MAN2A1: variants seen among roughly 807,000 people sequenced by gnomAD.
MAN2A1 encodes the protein mannosidase alpha class 2A member 1.
In MAN2A1, 76 loss-of-function variants were observed where a neutral mutation model predicts 142.6. The observed-to-expected ratio is 0.53, with a 90% CI of 0.44 to 0.65. MAN2A1 has a LOEUF of 0.65. MAN2A1 is among the 30% of genes least tolerant of loss of function. The pLI, the probability that MAN2A1 is intolerant of heterozygous loss-of-function variation, is 0.00. For synonymous variants in MAN2A1, 559 were observed against 473.2 expected (o/e 1.18, Z -2.35); for missense variants, 1,311 against 1,365.1 (o/e 0.96, Z 0.62).
intron 1 of MAN2A1, among the ~76,000 whole-genome samples, chr5:109,699,045 C>T (rs1750897057): frequency 1.3e-5 from 2 of 152,140 alleles, no homozygotes; most frequent in South Asian, 2.1e-4. Context: ...CTACTCTTCC[C>T]AGTTTTTAAA....
In MAN2A1 at chr5:109,855,121, T is replaced by C. The variant is rs749687769; in HGVS notation, c.2977-19T>C. ...CTGGAAATATAGACCTCTTAAACAT[T>C]TTTGTTTTTTCTTGATAGGAAGAAG... On this transcript the variant is annotated intron_variant, in intron 19 of 21. Coordinates refer to ENST00000261483, the MANE Select transcript of MAN2A1 (RefSeq NM_002372.4). 2.1e-6 allele frequency: 3 copies of C among 1,461,890 alleles called. No homozygotes were observed. Among genetic ancestry groups the C allele is most frequent in the African/African-American group, 2.9e-5 (2 of 70,008 alleles). The allele number at this position is 1,461,890 out of a possible 1,614,324, so 90.6% of individuals were successfully genotyped here. A position where few individuals can be genotyped will look rare whatever the true frequency, so the allele number is the denominator to read the frequency against.
intron 20 of MAN2A1, among the ~76,000 whole-genome samples, chr5:109,856,153 C>T (rs1379759668): frequency 6.6e-6 from 1 of 151,856 alleles, no homozygotes. Flanking sequence ...AACTTTATGT[C>T]TAAGATATAG....
At chr5:109,818,458 A>G (rs1459400503) in intron 13 of MAN2A1, among the ~76,000 whole-genome samples, 1 of 152,152 alleles carries the variant, frequency 6.6e-6, no homozygotes, top group African/African-American at 2.4e-5. Context: ...CAGATTTTAC[A>G]GGAAGCTTTC....
At chr5:109,784,980 A>G in intron 10 of MAN2A1, 54 bp downstream of exon 10, 1 of 1,293,890 alleles carries the variant, frequency 7.7e-7, no homozygotes, top group Non-Finnish European at 1.1e-6. Flanking sequence ...ATTATGGGTA[A>G]TAAGATTATA....
chr5:109,823,192 T>G (rs942034672), intron 15 of MAN2A1, among the ~76,000 whole-genome samples: 21 of 152,188 alleles, frequency 1.4e-4, no homozygotes, highest in African/African-American at 5.1e-4. Context: ...GTTTGTGAAT[T>G]TATATTCAGC....
chr5:109,755,109 G>A (rs536093070), intron 4 of MAN2A1, among the ~76,000 whole-genome samples: 2 of 152,310 alleles, frequency 1.3e-5, no homozygotes, highest in East Asian at 1.9e-4. Context: ...AATGACCTGC[G>A]TGGCTTTTCC....
chr5:109,846,074 G>A (rs1755337828), intron 18 of MAN2A1, 68 bp downstream of exon 18: 3 of 1,406,036 alleles, frequency 2.1e-6, no homozygotes, highest in African/African-American at 2.9e-5. Flanking sequence ...TTTTCTGTTG[G>A]TCAGATGTGG....
chr5:109,817,171 T>C, intron 12 of MAN2A1, 102 bp from the exon 13 acceptor site: 2 of 992,370 alleles, frequency 2.0e-6, no homozygotes, highest in Non-Finnish European at 2.9e-6. Flanking sequence ...ATCTCAAAAA[T>C]ATATATGTAT....
intron 12 of MAN2A1, among the ~76,000 whole-genome samples, chr5:109,802,523 T>G (rs1377685678): frequency 1.3e-5 from 2 of 152,150 alleles, no homozygotes; most frequent in Non-Finnish European, 2.9e-5. Flanking sequence ...ATTAGCAAGC[T>G]TCCTAAAAAG....
intron 19 of MAN2A1, among the ~76,000 whole-genome samples, chr5:109,851,654 G>A (rs914562566): frequency 1.3e-5 from 2 of 152,060 alleles, no homozygotes; most frequent in African/African-American, 4.8e-5. Context: ...CCAGTCTGTG[G>A]TATTCTGTTA....
chr5:109,756,533 A>C (rs368413190), intron 5 of MAN2A1, among the ~76,000 whole-genome samples: 94 of 152,300 alleles, frequency 6.2e-4, no homozygotes, highest in African/African-American at 2.1e-3. Context: ...AATTTGAAGA[A>C]ATGTATAAGA....
At chr5:109,726,221 C>T (rs1227917929) in intron 3 of MAN2A1, among the ~76,000 whole-genome samples, 2 of 152,136 alleles carry the variant, frequency 1.3e-5, no homozygotes, top group Non-Finnish European at 2.9e-5. Flanking sequence ...AATTTTATGT[C>T]ATGAAAATTC....
chr5:109,701,993 G>T (rs1750996504), intron 1 of MAN2A1, among the ~76,000 whole-genome samples: 1 of 152,178 alleles, frequency 6.6e-6, no homozygotes. Context: ...TGATCTGGTA[G>T]TCATCAGCAT....
chr5:109,820,231 T>C lies in MAN2A1; in HGVS notation c.2340T>C (p.Thr780=). The C allele has an allele frequency of 6.2e-7, 1 of 1,606,282 alleles. No homozygotes were observed. ...DQTGLMKQMM[T]KEDGKHHEVN... is the part of the protein sequence containing the mutation. Reference sequence around the variant, plus strand: ...TTTTTAATCTTTAGCAAATGATGACTAAAGAAGATGGTAAACACCATGAAG... The same window carrying C: ...TTTTTAATCTTTAGCAAATGATGACCAAAGAAGATGGTAAACACCATGAAG... The change falls in exon 15 of 22, where the codon ACT becomes ACC. Residue 780 remains threonine, a synonymous_variant. Transcript: ENST00000261483.
In MAN2A1 at chr5:109,770,409, A is replaced by G. The variant is rs1244662131; in HGVS notation, c.1064A>G (p.Asp355Gly). The change falls in exon 7 of 22, where the codon GAC becomes GGC. Residue 355 changes from aspartate to glycine, a missense_variant. Transcript: ENST00000261483. Reference protein sequence around the residue: ...LCHMMPFYSYDIPHTCGPDPK... With the variant: ...LCHMMPFYSYGIPHTCGPDPK... ...CACATGATGCCCTTCTACAGCTATGACATCCCTCACACTTGTGGACCTGAT... is the reference window on the plus strand; with the variant it reads ...CACATGATGCCCTTCTACAGCTATGGCATCCCTCACACTTGTGGACCTGAT... The G allele has an allele frequency of 6.2e-7, 1 of 1,614,038 alleles. No homozygotes were observed.
At chr5:109,785,953 C>T (rs911886698) in intron 10 of MAN2A1, among the ~76,000 whole-genome samples, 6 of 151,988 alleles carry the variant, frequency 3.9e-5, no homozygotes, top group South Asian at 2.1e-4. Flanking sequence ...AATTGACTCA[C>T]GACTTATATT....
At chr5:109,798,330 A>G (rs967883643) in intron 12 of MAN2A1, among the ~76,000 whole-genome samples, 3 of 152,186 alleles carry the variant, frequency 2.0e-5, no homozygotes, top group Non-Finnish European at 4.4e-5. Flanking sequence ...ACTTACTATC[A>G]GTGTACTGTT....
At chr5:109,756,659 A>T (rs917857595) in intron 5 of MAN2A1, among the ~76,000 whole-genome samples, 8 of 152,096 alleles carry the variant, frequency 5.3e-5, no homozygotes, top group African/African-American at 1.7e-4. Context: ...GGTATTTCTT[A>T]TTATCAGAAC....
At chr5:109,860,169 C>G (rs1310626102) in intron 20 of MAN2A1, among the ~76,000 whole-genome samples, 1 of 151,978 alleles carries the variant, frequency 6.6e-6, no homozygotes, top group South Asian at 2.1e-4. Flanking sequence ...TATTGATCTC[C>G]CTAGCTTCTG....
Sources: gnomAD v4.1 joint callset for allele counts (sites outside exome capture counted in the v4.1 genomes callset) on GRCh38, gnomAD v4.1.1 for gene constraint, MANE v1.5 for transcripts, NCBI Gene and HGNC (gene_info 2026-07-23, HGNC 2026-07-21) for gene names.